ABCC4: variants seen among roughly 807,000 people sequenced by gnomAD.
ABCC4 encodes the protein ATP-binding cassette sub-family C member 4.
Under a neutral mutation model 168.5 loss-of-function variants are expected in ABCC4, and 102 were observed. The ratio of observed to expected loss-of-function variants is 0.61; its 90% CI spans 0.52 to 0.71. ABCC4 has a LOEUF of 0.71. ABCC4 is among the 30% of genes least tolerant of loss of function. The pLI, the probability that ABCC4 is intolerant of heterozygous loss-of-function variation, is 0.00. For missense variants in ABCC4, 1,402 were observed against 1,605.8 expected, an observed-to-expected ratio of 0.87 and a Z score of 2.17; for synonymous variants, 617 against 590.7, an observed-to-expected ratio of 1.04 and a Z score of -0.65.
chr13:95,147,265 T>C (rs1253163277), intron 19 of ABCC4, among the ~76,000 whole-genome samples: 2 of 152,230 alleles, frequency 1.3e-5, no homozygotes, highest in East Asian at 3.8e-4. Flanking sequence ...CTTTACGGCA[T>C]TTTAATTGTT....
At chr13:95,026,683 G>C (rs2031559943) in intron 30 of ABCC4, among the ~76,000 whole-genome samples, 1 of 152,142 alleles carries the variant, frequency 6.6e-6, no homozygotes, top group African/African-American at 2.4e-5. Context: ...AAGCCCAGGA[G>C]TTCAAGACCA....
chr13:95,154,381 A>T (rs988841331), intron 19 of ABCC4, among the ~76,000 whole-genome samples: 1 of 152,232 alleles, frequency 6.6e-6, no homozygotes, highest in Non-Finnish European at 1.5e-5. Flanking sequence ...AAGATTGAGT[A>T]CATGAAAGCT....
At chr13:95,115,307 G>A (rs543105225) in intron 20 of ABCC4, among the ~76,000 whole-genome samples, 13 of 150,260 alleles carry the variant, frequency 8.7e-5, no homozygotes, top group African/African-American at 2.7e-4. Flanking sequence ...AAGACTTAGA[G>A]CAATCAACGT....
chr13:95,224,013 G>A (rs930892544), intron 4 of ABCC4, among the ~76,000 whole-genome samples: 3 of 151,850 alleles, frequency 2.0e-5, no homozygotes, highest in African/African-American at 7.3e-5. Context: ...ACAAGAGTGT[G>A]AGAATAAGTC....
chr13:95,176,650 C>T (rs896551049), intron 13 of ABCC4, among the ~76,000 whole-genome samples: 1 of 152,164 alleles, frequency 6.6e-6, no homozygotes, highest in African/African-American at 2.4e-5. Flanking sequence ...CTCACTCAGC[C>T]CAGCATGGGT....
intron 19 of ABCC4, among the ~76,000 whole-genome samples, chr13:95,122,627 C>A (rs560669252): frequency 6.6e-6 from 1 of 152,272 alleles, no homozygotes; most frequent in East Asian, 1.9e-4. Context: ...CATCAGGGGG[C>A]CTTCCCTCTC....
At position 95,021,264 on chromosome 13, in the gene ABCC4, T is replaced by C. The variant is rs4148551; in HGVS notation, c.*311A>G. The C allele has an allele frequency of 0.44, 100,979 of 229,644 alleles. 23,016 individuals are homozygous for C. Among genetic ancestry groups the C allele is most frequent in the African/African-American group, 0.58 (25,739 of 44,422 alleles). 14.2% of individuals were successfully genotyped at this position (229,644 alleles called of 1,614,324 possible). On this transcript the variant is annotated 3_prime_UTR_variant, in exon 31 of 31. Coordinates refer to ENST00000645237, the MANE Select transcript of ABCC4 (RefSeq NM_005845.5). ...ACAACAACAAAAACCTGTGACAACT[T>C]TGTCCTACTCCTTTAAAAATGAGCT...
intron 8 of ABCC4, 115 bp downstream of exon 8, chr13:95,206,417 T>G: frequency 7.2e-7 from 1 of 1,397,394 alleles, no homozygotes; most frequent in Non-Finnish European, 9.8e-7. Context: ...GGCGGCACGT[T>G]TTGGTTATGA....
rs139190400 is a variant in ABCC4 at position 95,024,111 on chromosome 13, G to A, written c.3871-2429C>T. ...AGTCCCAGCTACTCGGGAGGCTGAGGCAGGAGAATCACTTGAACCCAGGAG... is the reference window on the plus strand; with the variant it reads ...AGTCCCAGCTACTCGGGAGGCTGAGACAGGAGAATCACTTGAACCCAGGAG... On this transcript the variant is annotated intron_variant, in intron 30 of 30. Coordinates refer to ENST00000645237, the MANE Select transcript of ABCC4 (RefSeq NM_005845.5). 1.1e-4 allele frequency among the ~76,000 whole-genome samples: 16 copies of A among 151,634 alleles called. No individual in the cohort carries two copies. In the East Asian group the frequency reaches 3.1e-3, roughly 30 times the overall value.
At chr13:95,219,191 TC>T (rs1376844057) in intron 4 of ABCC4, among the ~76,000 whole-genome samples, 2 of 151,760 alleles carry the variant, frequency 1.3e-5, no homozygotes, top group East Asian at 1.9e-4. Flanking sequence ...GGGGGCCACA[TC>T]CCCCCACCAT....
intron 1 of ABCC4, among the ~76,000 whole-genome samples, chr13:95,276,683 T>C (rs1460020204): frequency 1.3e-5 from 2 of 152,010 alleles, no homozygotes; most frequent in Non-Finnish European, 2.9e-5. Context: ...TCAACCCCTC[T>C]CAAACCACAG....
At position 95,047,201 on chromosome 13, in the gene ABCC4, C is replaced by G. The variant is rs902301624; in HGVS notation, c.3457-2763G>C. 3.3e-5 allele frequency among the ~76,000 whole-genome samples: 5 copies of G among 152,112 alleles called. No individual in the cohort carries two copies. In the East Asian group the frequency reaches 5.8e-4, roughly 18 times the overall value. ...GACATTTTAAAATAAAAAAATGGAG[C>G]CTTGAAGACACACAGCATGGGTATG... is the stretch of plus-strand genomic sequence containing the variant. On this transcript the variant is annotated intron_variant, in intron 27 of 30. Transcript: ENST00000645237.
At chr13:95,284,942 G>A (rs2041224098) in intron 1 of ABCC4, among the ~76,000 whole-genome samples, 1 of 152,134 alleles carries the variant, frequency 6.6e-6, no homozygotes, top group African/African-American at 2.4e-5. Flanking sequence ...TAATTATAAT[G>A]TCTAAATATA....
At chr13:95,181,509 CTT>C (rs1432185345) in intron 11 of ABCC4, among the ~76,000 whole-genome samples, 1 of 152,232 alleles carries the variant, frequency 6.6e-6, no homozygotes, top group Non-Finnish European at 1.5e-5. Context: ...GTTCCTAAGG[CTT>C]TGTTTATATT....
intron 27 of ABCC4, among the ~76,000 whole-genome samples, chr13:95,051,248 A>G (rs1330147887): frequency 6.6e-6 from 1 of 152,372 alleles, no homozygotes; most frequent in East Asian, 1.9e-4. Flanking sequence ...CAGAAACAAG[A>G]ATTACTGGCA....
chr13:95,076,842 C>A (rs1329371705), intron 21 of ABCC4, among the ~76,000 whole-genome samples: 1 of 152,106 alleles, frequency 6.6e-6, no homozygotes, highest in Non-Finnish European at 1.5e-5. Context: ...TCACTGCCAC[C>A]TTGAATTCCA....
rs1566515613 is a variant in ABCC4, at chr13:95,196,644, GGAA to G, written c.1162-1710_1162-1708del. 2.1e-3 allele frequency among the ~76,000 whole-genome samples: 39 copies of G among 18,970 alleles called. 6 individuals carry two copies. The highest frequency in any genetic ancestry group is 2.8e-3 in the African/African-American group (10 of 3,580). The allele number at this position is 18,970 out of a possible 152,430, so 12.4% of individuals were successfully genotyped here. ...AGGAAGGAAGGAAGGAAGGAAGGAA[GGAA>G]GGAAGGAAGGAAGGAAGGAAGGAAG... On this transcript the variant is annotated intron_variant, in intron 8 of 30. Transcript: ENST00000645237.
chr13:95,035,154 G>A (rs2032066318), intron 29 of ABCC4, among the ~76,000 whole-genome samples: 1 of 152,090 alleles, frequency 6.6e-6, no homozygotes, highest in African/African-American at 2.4e-5. Context: ...TAAAAGGTAG[G>A]GTAATGTCAT....
intron 1 of ABCC4, among the ~76,000 whole-genome samples, chr13:95,294,466 A>G (rs550694037): frequency 6.6e-6 from 1 of 152,264 alleles, no homozygotes; most frequent in South Asian, 2.1e-4. Context: ...TCCTAGCTGG[A>G]CTTTCACCAT....
Sources: allele counts gnomAD v4.1 joint callset (sites outside exome capture counted in the v4.1 genomes callset), GRCh38; gene constraint gnomAD v4.1.1; transcripts MANE v1.5; gene names NCBI Gene and HGNC (gene_info 2026-07-23, HGNC 2026-07-21).